ANK3: variants seen among roughly 807,000 people sequenced by gnomAD.
The protein encoded by ANK3 is ankyrin 3.
ANK3 carries 57 observed loss-of-function variants against 370.9 expected under a neutral mutation model. The ratio of observed to expected loss-of-function variants is 0.15; its 90% confidence interval spans 0.12 to 0.19. The LOEUF (loss-of-function observed/expected upper bound fraction) is 0.19. Among genes scored for constraint, ANK3 ranks in the 10% least tolerant of loss-of-function variants. The pLI is 1.00. For missense variants in ANK3, 4,439 were observed against 5,302.1 expected (o/e 0.84, Z 5.06); for synonymous variants, 1,929 against 1,946.3 (o/e 0.99, Z 0.23).
chr10:60,395,550 C>CTCTTTCTTTCTTTCTTTCTTT (rs1555367060), intron 2 of ANK3, among the ~76,000 whole-genome samples: 13 of 108,440 alleles, frequency 1.2e-4, no homozygotes, highest in African/African-American at 4.4e-4. Context: ...ACTACTATGC[C>CTCTTTCTTTCTTTCTTTCTTT]TCTTTCTTTC....
chr10:60,292,915 C>G lies in ANK3; in HGVS notation c.115-13276G>C, dbSNP rs192963858. Among the ~76,000 whole-genome samples, 219 of 152,194 alleles carry G rather than the reference C, an allele frequency of 1.4e-3. 2 individuals are homozygous for G. The highest frequency in any genetic ancestry group is 5.1e-3 in the African/African-American group (210 of 41,544). ...TAGAGACAGGGTTTCACCACGTTGGCCAGGCTGGTCTCAAAACTCCTGACC... is the reference window on the plus strand; with the variant it reads ...TAGAGACAGGGTTTCACCACGTTGGGCAGGCTGGTCTCAAAACTCCTGACC... On this transcript the variant is annotated intron_variant, in intron 1 of 43. Coordinates refer to ENST00000280772, the MANE Select transcript of ANK3 (RefSeq NM_020987.5).
chr10:60,073,989 A>G lies in ANK3; in HGVS notation c.6892T>C (p.Ser2298Pro). The change falls in exon 37 of 44, where the codon TCG becomes CCG. Residue 2298 changes from serine (S) to proline (P), a missense_variant. By Grantham distance (74) the Ser-to-Pro change is moderately conservative. Transcript: ENST00000280772. ...TTGTGAACATCTGGAGACACTGCCGACTTATGTTCAAACAGACCTGCCAGT... is the reference window on the plus strand; with the variant it reads ...TTGTGAACATCTGGAGACACTGCCGGCTTATGTTCAAACAGACCTGCCAGT... Reference protein sequence around the residue: ...KELAGLFEHKSAVSPDVHKSA... With the variant: ...KELAGLFEHKPAVSPDVHKSA... The G allele has an allele frequency of 6.2e-7, 1 of 1,613,980 alleles. No individual in the cohort carries two copies. The highest frequency in any genetic ancestry group is 8.5e-7 in the Non-Finnish European group (1 of 1,179,984).
chr10:60,340,895 G>A (rs1032457863), intron 1 of ANK3, among the ~76,000 whole-genome samples: 8 of 152,004 alleles, frequency 5.3e-5, no homozygotes, highest in South Asian at 2.1e-4. Flanking sequence ...TTCTATTATC[G>A]TAACCATTTT....
intron 2 of ANK3, among the ~76,000 whole-genome samples, chr10:60,421,208 G>C (rs1247793689): frequency 1.3e-5 from 2 of 152,088 alleles, no homozygotes; most frequent in Non-Finnish European, 2.9e-5. Context: ...CTTAATAATA[G>C]AGTTTATGTT....
At chr10:60,178,952 G>A (rs2096061682) in intron 18 of ANK3, among the ~76,000 whole-genome samples, 2 of 152,092 alleles carry the variant, frequency 1.3e-5, no homozygotes, top group Admixed American at 1.3e-4. Context: ...CAAACTGGAG[G>A]GGTGCGGGGG....
rs190837653 is a variant in ANK3, at chr10:60,661,316, T to C, written c.58-46092A>G. On this transcript the variant is annotated intron_variant, in intron 1 of 43. Coordinates refer to the ANK3 transcript ENST00000373827. ...ATTCATAATCATAAAACTAAAGAAA[T>C]TGTTTCTTAGAAAGTGAAAGAATGA... 1.3e-3 allele frequency among the ~76,000 whole-genome samples: 196 copies of C among 152,014 alleles called. 1 individual carries two copies. The highest frequency in any genetic ancestry group is 2.1e-3 in the Non-Finnish European group (140 of 67,954).
intron 28 of ANK3, among the ~76,000 whole-genome samples, chr10:60,098,692 T>C (rs2090617877): frequency 6.6e-6 from 1 of 152,228 alleles, no homozygotes; most frequent in Non-Finnish European, 1.5e-5. Context: ...AAAATAATTA[T>C]AAATTCATGG....
In ANK3 at chr10:60,240,300, A is replaced by AT. The variant is rs1344546716; in HGVS notation, c.799-5515dup. On this transcript the variant is annotated intron_variant, in intron 7 of 43. Coordinates refer to ENST00000280772, the MANE Select transcript of ANK3 (RefSeq NM_020987.5). ...CACACACATATATATATATATATAT[A>AT]TATATATTTTTTTTTCTTTTTGAGA... 7.6e-4 allele frequency among the ~76,000 whole-genome samples: 71 copies of AT among 93,896 alleles called. 1 individual carries two copies. Among genetic ancestry groups the AT allele is most frequent in the East Asian group, 4.0e-3 (12 of 3,008 alleles). The allele number at this position is 93,896 out of a possible 152,430, so 61.6% of individuals were successfully genotyped here.
At chr10:60,658,102 T>A (rs2078890332) in intron 1 of ANK3, among the ~76,000 whole-genome samples, 2 of 151,952 alleles carry the variant, frequency 1.3e-5, no homozygotes, top group South Asian at 4.2e-4. Context: ...TAAAAATGCA[T>A]CTTTGGTAGA....
At chr10:60,319,198 A>G (rs1263032650) in intron 1 of ANK3, among the ~76,000 whole-genome samples, 2 of 152,242 alleles carry the variant, frequency 1.3e-5, no homozygotes, top group African/African-American at 4.8e-5. Flanking sequence ...TGCAAAGGGC[A>G]AAGGGATGGT....
chr10:60,474,524 T>C (rs556525675), intron 2 of ANK3, among the ~76,000 whole-genome samples: 52 of 152,282 alleles, frequency 3.4e-4, no homozygotes, highest in Non-Finnish European at 5.4e-4. Context: ...TCCCAGCTTA[T>C]ATTAAAAACT....
At chr10:60,388,342 C>T (rs2062702174) in intron 1 of ANK3, among the ~76,000 whole-genome samples, 1 of 152,064 alleles carries the variant, frequency 6.6e-6, no homozygotes, top group Non-Finnish European at 1.5e-5. Flanking sequence ...GGCAAAGGTA[C>T]CAGGAATATT....
At chr10:60,515,260 AC>A (rs762029444) in intron 2 of ANK3, among the ~76,000 whole-genome samples, 3 of 152,134 alleles carry the variant, frequency 2.0e-5, no homozygotes, top group African/African-American at 4.8e-5. Flanking sequence ...TGTTCTTATT[AC>A]TTAGGGAATG....
chr10:60,657,479 A>G (rs1053530285), intron 1 of ANK3, among the ~76,000 whole-genome samples: 2 of 152,140 alleles, frequency 1.3e-5, no homozygotes, highest in African/African-American at 2.4e-5. Context: ...TCTTTGACCT[A>G]TGGTTAATTA....
At chr10:60,354,062 C>T (rs1442866263) in intron 1 of ANK3, among the ~76,000 whole-genome samples, 1 of 152,218 alleles carries the variant, frequency 6.6e-6, no homozygotes, top group Non-Finnish European at 1.5e-5. Context: ...GAATAAATAG[C>T]CCAGTTTTCA....
intron 1 of ANK3, among the ~76,000 whole-genome samples, chr10:60,385,709 C>T (rs921581926): frequency 1.3e-4 from 20 of 151,992 alleles, no homozygotes; most frequent in African/African-American, 4.4e-4. Context: ...CTGTGTCAGG[C>T]GCATGTATAG....
intron 2 of ANK3, among the ~76,000 whole-genome samples, chr10:60,524,327 G>C (rs1025988640): frequency 6.6e-6 from 1 of 152,090 alleles, no homozygotes; most frequent in Admixed American, 6.6e-5. Flanking sequence ...ATCCACAGAA[G>C]AGTATAGACC....
At chr10:60,221,598 C>G (rs889312968) in intron 8 of ANK3, among the ~76,000 whole-genome samples, 3 of 152,018 alleles carry the variant, frequency 2.0e-5, no homozygotes, top group African/African-American at 7.3e-5. Flanking sequence ...TTATTATATC[C>G]TCATGATTAG....
At chr10:60,416,012 G>A (rs565505613) in intron 2 of ANK3, among the ~76,000 whole-genome samples, 49 of 146,042 alleles carry the variant, frequency 3.4e-4, no homozygotes, top group African/African-American at 1.1e-3. Flanking sequence ...AGTCATGAGG[G>A]TGGAGTCCTC....
Sources: allele counts gnomAD v4.1 joint callset (sites outside exome capture counted in the v4.1 genomes callset), GRCh38; gene constraint gnomAD v4.1.1; transcripts MANE v1.5; gene names NCBI Gene and HGNC (gene_info 2026-07-23, HGNC 2026-07-21).